MLIP: variants seen among roughly 807,000 people sequenced by gnomAD.
MLIP encodes the protein muscular LMNA interacting protein.
Under a neutral mutation model 84.8 loss-of-function variants are expected in MLIP, and 79 were observed. That is an observed-to-expected ratio of 0.93 (90% CI 0.78 to 1.12). The LOEUF (loss-of-function observed/expected upper bound fraction) is 1.12, where lower values mean the gene tolerates loss of function less well. MLIP is among the 50% of genes most tolerant of loss of function. The probability of loss-of-function intolerance (pLI) is 0.00; values close to 1 mark genes in which losing one functional copy is unlikely to be tolerated. For missense variants in MLIP, 1,257 were observed against 1,160.6 expected, an observed-to-expected ratio of 1.08 and a Z score of -1.21; for synonymous variants, 504 against 463.0, an observed-to-expected ratio of 1.09 and a Z score of -1.14.
chr6:54,137,731 A>G lies in MLIP; in HGVS notation c.1662A>G (p.Pro554=). The G allele has an allele frequency of 6.5e-7, 1 of 1,536,018 alleles. No individual in the cohort carries two copies. Among genetic ancestry groups the G allele is most frequent in the Non-Finnish European group, 8.7e-7 (1 of 1,146,872 alleles). The change falls in exon 4 of 14, where the codon CCA becomes CCG. Residue 554 remains proline, a synonymous_variant. Transcript: ENST00000502396. ...TSSSVGLPPV[P]PSSSLSSLKS... The stretch of plus-strand genomic sequence containing the variant: ...GTTCTGTGGGTCTTCCTCCTGTTCC[A>G]CCAAGCTCTTCTCTTTCCTCTTTGA...
intron 11 of MLIP, chr6:54,215,124 T>C: frequency 1.3e-6 from 2 of 1,528,904 alleles, no homozygotes; most frequent in Non-Finnish European, 8.8e-7. Context: ...CTAAAAGCTG[T>C]CCACTTTACA....
rs569287328 is a variant in MLIP at position 54,138,730 on chromosome 6, A to G, written c.2217+444A>G. On this transcript the variant is annotated intron_variant, in intron 4 of 13. Transcript: ENST00000502396. ...AGACAGGATTAATATAAAATGGAAT[A>G]TTATCTTAGATCTAGGCCTGTGACA... 1.5e-3 allele frequency among the ~76,000 whole-genome samples: 230 copies of G among 152,296 alleles called. 3 individuals are homozygous for G. Among genetic ancestry groups the G allele is most frequent in the African/African-American group, 4.9e-3 (204 of 41,570 alleles).
At chr6:54,222,200 A>G (rs1286365797) in intron 11 of MLIP, among the ~76,000 whole-genome samples, 7 of 152,048 alleles carry the variant, frequency 4.6e-5, no homozygotes. Context: ...ACATTATTAT[A>G]CTATTATTGT....
At position 54,058,740 on chromosome 6, in the gene MLIP, C is replaced by T. The variant is rs145503370; in HGVS notation, c.63+39649C>T. On this transcript the variant is annotated intron_variant, in intron 1 of 12. Transcript: ENST00000274897. The stretch of plus-strand genomic sequence containing the variant: ...AGAAACAGCTCTCTTTTCCATACAT[C>T]ATACAAAAAATTGTTAGTGACATTG... Among the ~76,000 whole-genome samples, 730 of 152,244 alleles carry T rather than the reference C, an allele frequency of 4.8e-3. 8 individuals are homozygous for T. The highest frequency in any genetic ancestry group is 0.017 in the African/African-American group (699 of 41,550).
At position 54,252,136 on chromosome 6, in the gene MLIP, TATAACTATAA is replaced by T. The variant is rs1324250066; in HGVS notation, c.2923-5171_2923-5162del. ...TATAACTATATTATAACATATAATA[TATAACTATAA>T]TATAACATATAATATATAACTATAT... On this transcript the variant is annotated intron_variant, in intron 12 of 13. Coordinates refer to ENST00000502396, the MANE Select transcript of MLIP (RefSeq NM_001281747.2). Among the ~76,000 whole-genome samples the T allele has an allele frequency of 7.7e-4, 78 of 100,686 alleles. 2 individuals carry two copies. The highest frequency in any genetic ancestry group is 3.4e-3 in the African/African-American group (74 of 22,036). 66.1% of individuals were successfully genotyped at this position (100,686 alleles called of 152,430 possible). A position where few individuals can be genotyped will look rare whatever the true frequency, so the allele number is the denominator to read the frequency against.
intron 11 of MLIP, among the ~76,000 whole-genome samples, chr6:54,207,042 A>C (rs568093947): frequency 4.6e-5 from 7 of 152,204 alleles, no homozygotes; most frequent in Admixed American, 2.6e-4. Flanking sequence ...GGTTTGCTAG[A>C]TTGTTTTAAC....
intron 9 of MLIP, among the ~76,000 whole-genome samples, chr6:54,182,316 G>A (rs956835556): frequency 6.6e-6 from 1 of 152,140 alleles, no homozygotes; most frequent in African/African-American, 2.4e-5. Context: ...TCAATGTAAT[G>A]TCCCCCAGTT....
At chr6:54,080,394 T>A (rs868335249) in intron 1 of MLIP, among the ~76,000 whole-genome samples, 1 of 151,892 alleles carries the variant, frequency 6.6e-6, no homozygotes, top group Non-Finnish European at 1.5e-5. Flanking sequence ...CCCCTAAACC[T>A]CTCCCATCAC....
intron 12 of MLIP, among the ~76,000 whole-genome samples, chr6:54,253,068 G>T (rs1359595010): frequency 2.6e-5 from 4 of 152,002 alleles, no homozygotes; most frequent in Non-Finnish European, 2.9e-5. Flanking sequence ...ACTCTGTACT[G>T]GTTGGGTCCT....
chr6:54,255,903 C>G (rs774084166), intron 12 of MLIP, among the ~76,000 whole-genome samples: 3 of 152,078 alleles, frequency 2.0e-5, no homozygotes, highest in Non-Finnish European at 4.4e-5. Flanking sequence ...CTACTTATAC[C>G]AATGACTGTG....
chr6:54,068,461 T>C lies in MLIP; in HGVS notation c.63+49370T>C, dbSNP rs1419525970. Reference sequence around the variant, plus strand: ...AGCTTCTTTCTTTCTGACTGAAAAATGTGGTTGCCACGTGGCTGACAACAG... The same window carrying C: ...AGCTTCTTTCTTTCTGACTGAAAAACGTGGTTGCCACGTGGCTGACAACAG... On this transcript the variant is annotated intron_variant, in intron 1 of 12. Coordinates refer to the MLIP transcript ENST00000274897. Among the ~76,000 whole-genome samples, 2 of 98,802 alleles carry C rather than the reference T, an allele frequency of 2.0e-5. 1 individual carries two copies. Among genetic ancestry groups the C allele is most frequent in the African/African-American group, 5.2e-5 (2 of 38,796 alleles). 64.8% of individuals were successfully genotyped at this position (98,802 alleles called of 152,430 possible).
chr6:54,184,785 G>A (rs1395075438), intron 9 of MLIP, among the ~76,000 whole-genome samples: 1 of 151,954 alleles, frequency 6.6e-6, no homozygotes, highest in Non-Finnish European at 1.5e-5. Context: ...AATGGCTAAA[G>A]CCCATCTCTC....
chr6:54,193,491 C>T (rs1274974069), intron 10 of MLIP, among the ~76,000 whole-genome samples: 1 of 152,070 alleles, frequency 6.6e-6, no homozygotes, highest in African/African-American at 2.4e-5. Context: ...GGATCACCAG[C>T]ATTAGTGTTC....
At chr6:54,089,610 T>C (rs1767728081) in intron 1 of MLIP, among the ~76,000 whole-genome samples, 1 of 152,078 alleles carries the variant, frequency 6.6e-6, no homozygotes, top group African/African-American at 2.4e-5. Context: ...CCTTTGAGCC[T>C]TTCAGCGACA....
intron 1 of MLIP, among the ~76,000 whole-genome samples, chr6:54,040,393 C>T (rs924983519): frequency 1.3e-5 from 2 of 151,804 alleles, no homozygotes; most frequent in African/African-American, 4.8e-5. Context: ...TTCAGAATGG[C>T]TAGTATTAAA....
rs1172981444 is a variant in MLIP, at chr6:54,068,337, A to T, written c.63+49246A>T. On this transcript the variant is annotated intron_variant, in intron 1 of 12. Coordinates refer to the MLIP transcript ENST00000274897. ...TTTTTAGTAGAGACGGGGTTTCACC[A>T]TGTCGGCCAGGCTGGTCTCGAACTC... is the stretch of plus-strand genomic sequence containing the variant. Among the ~76,000 whole-genome samples, 2 of 97,736 alleles carry T rather than the reference A, an allele frequency of 2.0e-5. 1 individual carries two copies. Among genetic ancestry groups the T allele is most frequent in the African/African-American group, 5.2e-5 (2 of 38,482 alleles). 64.1% of individuals were successfully genotyped at this position (97,736 alleles called of 152,430 possible).
intron 11 of MLIP, among the ~76,000 whole-genome samples, chr6:54,208,044 C>T (rs1779161220): frequency 6.6e-6 from 1 of 151,956 alleles, no homozygotes; most frequent in Non-Finnish European, 1.5e-5. Context: ...GGGAGAATGG[C>T]GTGAACCCAG....
intron 11 of MLIP, chr6:54,217,130 A>T (rs1206269946): frequency 2.0e-6 from 2 of 985,350 alleles, no homozygotes; most frequent in African/African-American, 1.7e-5. Context: ...GAAAGGCTCC[A>T]GTAATTTTAC....
intron 1 of MLIP, among the ~76,000 whole-genome samples, chr6:54,096,176 G>A (rs1253236585): frequency 6.6e-6 from 1 of 152,036 alleles, no homozygotes; most frequent in East Asian, 1.9e-4. Flanking sequence ...AAGATACTTG[G>A]AACTTTTTAA....
Sources: gnomAD v4.1 joint callset for allele counts (sites outside exome capture counted in the v4.1 genomes callset) on GRCh38, gnomAD v4.1.1 for gene constraint, MANE v1.5 for transcripts, NCBI Gene and HGNC (gene_info 2026-07-23, HGNC 2026-07-21) for gene names.